The following NFIB variants were observed in gnomAD, a reference collection of about 807,000 sequenced individuals.
NFIB encodes the protein nuclear factor I B.
NFIB carries 11 observed loss-of-function variants against 61.5 expected under a neutral mutation model. The ratio of observed to expected loss-of-function variants is 0.18; its 90% CI spans 0.11 to 0.30. The LOEUF (loss-of-function observed/expected upper bound fraction) is 0.30. Ranked by LOEUF, NFIB falls within the 10% of genes least tolerant of loss-of-function variation. The probability of loss-of-function intolerance (pLI) is 1.00; values close to 1 mark genes in which losing one functional copy is unlikely to be tolerated. For missense variants in NFIB, 471 were observed against 608.9 expected (o/e 0.77, Z 2.38); for synonymous variants, 260 against 216.5 (o/e 1.20, Z -1.76).
chr9:14,106,420 A>G (rs2036567446), intron 10 of NFIB, among the ~76,000 whole-genome samples: 1 of 152,146 alleles, frequency 6.6e-6, no homozygotes, highest in Non-Finnish European at 1.5e-5. Flanking sequence ...TCTTCCAAAA[A>G]AGCTATCAGT....
the NFIB span, among the ~76,000 whole-genome samples, chr9:14,459,205 T>C: frequency 2.0e-5 from 3 of 152,042 alleles, no homozygotes; most frequent in Non-Finnish European, 2.9e-5. Flanking sequence ...CCCTCAGAAA[T>C]AATGCTGCAT....
At chr9:14,217,563 G>A (rs1177861535) in intron 2 of NFIB, among the ~76,000 whole-genome samples, 1 of 149,732 alleles carries the variant, frequency 6.7e-6, no homozygotes, top group African/African-American at 2.5e-5. Flanking sequence ...GGGAGGCTGA[G>A]GCAGGAGAAT....
chr9:14,276,629 T>A (rs868210987), intron 2 of NFIB, among the ~76,000 whole-genome samples: 3 of 152,148 alleles, frequency 2.0e-5, no homozygotes, highest in Middle Eastern at 3.2e-3. Context: ...TGAGCTCTAA[T>A]TTTCTCATCT....
intron 3 of NFIB, among the ~76,000 whole-genome samples, chr9:14,171,701 C>T (rs1372685734): frequency 6.6e-6 from 1 of 151,866 alleles, no homozygotes; most frequent in Non-Finnish European, 1.5e-5. Flanking sequence ...AAAGCAAAAA[C>T]AAAGAAAACA....
At chr9:14,290,428 G>A (rs868453071) in intron 2 of NFIB, among the ~76,000 whole-genome samples, 4 of 151,900 alleles carry the variant, frequency 2.6e-5, no homozygotes, top group South Asian at 2.1e-4. Flanking sequence ...CAGGTGCGGC[G>A]GTAAGCACTT....
chr9:14,411,723 C>T, the NFIB span, among the ~76,000 whole-genome samples: 1,262 of 152,262 alleles, frequency 8.3e-3, 18 homozygotes, highest in African/African-American at 0.028. Flanking sequence ...TGACAGTCCC[C>T]AATAAACCCC....
At chr9:14,450,001 G>T in the NFIB span, among the ~76,000 whole-genome samples, 1 of 152,048 alleles carries the variant, frequency 6.6e-6, no homozygotes, top group South Asian at 2.1e-4. Context: ...CTCAGTTATA[G>T]GGTACATGTT....
At position 14,085,843 on chromosome 9, in the gene NFIB, T is replaced by C. The variant is rs896035246; in HGVS notation, c.*2466A>G. On this transcript the variant is annotated 3_prime_UTR_variant, in exon 11 of 11. Transcript: ENST00000380953. ...CCTCCAACAGGTCTAATGTGTTTTC[T>C]AGGAGAAAGAATATTCATGTGTTAA... The C allele has an allele frequency of 6.7e-5, 15 of 222,434 alleles. No homozygotes were observed. The highest frequency in any genetic ancestry group is 2.9e-4 in the Admixed American group (5 of 17,358). The allele number at this position is 222,434 out of a possible 1,614,324, so 13.8% of individuals were successfully genotyped here.
At chr9:14,376,119 G>A (rs768591502) in intron 1 of NFIB, among the ~76,000 whole-genome samples, 8 of 152,128 alleles carry the variant, frequency 5.3e-5, no homozygotes, top group Non-Finnish European at 1.2e-4. Context: ...GCTATGCACA[G>A]GCATGACCAT....
intron 1 of NFIB, among the ~76,000 whole-genome samples, chr9:14,325,336 A>C (rs944836138): frequency 2.6e-5 from 4 of 152,128 alleles, no homozygotes; most frequent in African/African-American, 9.6e-5. Flanking sequence ...ACTTACCAGA[A>C]GCTTCACAAA....
intron 2 of NFIB, among the ~76,000 whole-genome samples, chr9:14,186,475 C>T (rs746760027): frequency 1.3e-5 from 2 of 151,962 alleles, no homozygotes; most frequent in Non-Finnish European, 2.9e-5. Context: ...AAATATATAG[C>T]ATGCCAGAAA....
chr9:14,389,009 T>C (rs547111370), intron 1 of NFIB, among the ~76,000 whole-genome samples: 40 of 152,320 alleles, frequency 2.6e-4, no homozygotes, highest in African/African-American at 8.7e-4. Context: ...GGCCTGGACA[T>C]TGCATTGTTT....
the NFIB span, among the ~76,000 whole-genome samples, chr9:14,466,088 G>A: frequency 5.9e-5 from 9 of 152,140 alleles, no homozygotes; most frequent in African/African-American, 2.2e-4. Context: ...CAGAATGCAG[G>A]AAGGAACGAT....
chr9:14,333,599 C>G (rs1193744200), intron 1 of NFIB, among the ~76,000 whole-genome samples: 1 of 152,160 alleles, frequency 6.6e-6, no homozygotes, highest in African/African-American at 2.4e-5. Flanking sequence ...ACTTCAGCAG[C>G]CTTGGCCTAA....
chr9:14,475,497 T>G, the NFIB span, among the ~76,000 whole-genome samples: 1 of 151,986 alleles, frequency 6.6e-6, no homozygotes, highest in Non-Finnish European at 1.5e-5. Context: ...CATGAGAAAA[T>G]GGAAAAAAGG....
the NFIB span, among the ~76,000 whole-genome samples, chr9:14,486,370 G>T: frequency 6.6e-6 from 1 of 152,182 alleles, no homozygotes; most frequent in Non-Finnish European, 1.5e-5. Flanking sequence ...GGAGGCAGGA[G>T]AAAGCCCAGG....
chr9:14,412,439 C>A, the NFIB span, among the ~76,000 whole-genome samples: 1 of 152,206 alleles, frequency 6.6e-6, no homozygotes, highest in Non-Finnish European at 1.5e-5. Flanking sequence ...GACCTACCAG[C>A]TAAGGAACAA....
chr9:14,228,530 C>T (rs778694836), intron 2 of NFIB, among the ~76,000 whole-genome samples: 1 of 152,142 alleles, frequency 6.6e-6, no homozygotes, highest in East Asian at 1.9e-4. Context: ...ATGTTCCACT[C>T]GAACCCATTT....
chr9:14,385,963 A>G (rs2061544998), intron 1 of NFIB, among the ~76,000 whole-genome samples: 2 of 151,958 alleles, frequency 1.3e-5, no homozygotes. Flanking sequence ...TTGTATGTTC[A>G]GTAGAGACAG....
Sources: allele counts gnomAD v4.1 joint callset (sites outside exome capture counted in the v4.1 genomes callset), GRCh38; gene constraint gnomAD v4.1.1; transcripts MANE v1.5; gene names NCBI Gene and HGNC (gene_info 2026-07-23, HGNC 2026-07-21).